Variants in RMND5A observed in about 807,000 individuals in gnomAD.
RMND5A encodes the protein required for meiotic nuclear division 5 homolog A.
Under a neutral mutation model 49.7 loss-of-function variants are expected in RMND5A, and 17 were observed. The observed-to-expected ratio is 0.34, with a 90% CI of 0.23 to 0.51. The LOEUF is 0.51. Ranked by LOEUF, RMND5A falls within the 20% of genes least tolerant of loss-of-function variation. The probability of loss-of-function intolerance (pLI) is 0.96; values close to 1 mark genes in which losing one functional copy is unlikely to be tolerated. For missense variants in RMND5A, 255 were observed against 471.3 expected (o/e 0.54, Z 4.25); for synonymous variants, 156 against 167.7 (o/e 0.93, Z 0.54).
At chr2:86,769,064 A>G (rs1451563480) in intron 6 of RMND5A, among the ~76,000 whole-genome samples, 2 of 152,134 alleles carry the variant, frequency 1.3e-5, no homozygotes, top group Non-Finnish European at 1.5e-5. Flanking sequence ...CAGCCTGCTC[A>G]GTAGCTGGGA....
chr2:86,770,149 A>C (rs1271911233), intron 7 of RMND5A, 24 bp downstream of exon 7: 1 of 1,484,008 alleles, frequency 6.7e-7, no homozygotes, highest in Non-Finnish European at 9.4e-7. Context: ...TCTATTGGCT[A>C]TTTACTTTTA....
At position 86,777,944 on chromosome 2, in the gene RMND5A, A is replaced by G. The variant is rs576236673; in HGVS notation, c.*4533A>G. On this transcript the variant is annotated 3_prime_UTR_variant, in exon 9 of 9. Transcript: ENST00000283632. ...TGATATAATAGAGTTTTGGAAAACT[A>G]TAAGAAATGCTTTGTTAATGTGTGT... 7.2e-5 allele frequency: 11 copies of G among 152,362 alleles called. No individual in the cohort carries two copies. Among genetic ancestry groups the G allele is most frequent in the Non-Finnish European group, 1.0e-4 (7 of 68,030 alleles). 9.4% of individuals were successfully genotyped at this position (152,362 alleles called of 1,614,324 possible).
In RMND5A at chr2:86,726,579, C is replaced by G. The variant is rs1285924584; in HGVS notation, c.142+5770C>G. On this transcript the variant is annotated intron_variant, in intron 1 of 8. Transcript: ENST00000283632. Reference sequence around the variant, plus strand: ...TCTAAGAGAAGAACAGACTGGTTCTCAAGTTATTTAGGCCATTTTAGGTGG... The same window carrying G: ...TCTAAGAGAAGAACAGACTGGTTCTGAAGTTATTTAGGCCATTTTAGGTGG... 2.6e-5 allele frequency among the ~76,000 whole-genome samples: 2 copies of G among 75,680 alleles called. 1 individual carries two copies. The highest frequency in any genetic ancestry group is 5.3e-5 in the Non-Finnish European group (2 of 37,672). 49.6% of individuals were successfully genotyped at this position (75,680 alleles called of 152,430 possible). A position where few individuals can be genotyped will look rare whatever the true frequency, so the allele number is the denominator to read the frequency against.
chr2:86,769,956 A>C (rs568346651), intron 6 of RMND5A, 67 bp from the exon 7 acceptor site: 208 of 1,086,486 alleles, frequency 1.9e-4, no homozygotes, highest in Non-Finnish European at 2.7e-4. Context: ...GGAGAAATTG[A>C]TGTCTCCTTG....
chr2:86,769,651 CTAAAGT>C (rs1249878606), intron 6 of RMND5A, among the ~76,000 whole-genome samples: 1 of 151,440 alleles, frequency 6.6e-6, no homozygotes, highest in Non-Finnish European at 1.5e-5. Flanking sequence ...AGGAAGTAAG[CTAAAGT>C]TAAATTACCC....
intron 4 of RMND5A, among the ~76,000 whole-genome samples, chr2:86,759,109 A>T (rs910126605): frequency 6.6e-6 from 1 of 152,324 alleles, no homozygotes; most frequent in Admixed American, 6.5e-5. Context: ...TATTACTAGA[A>T]ATAGACACCC....
intron 4 of RMND5A, among the ~76,000 whole-genome samples, chr2:86,755,038 G>C (rs1459730012): frequency 6.6e-6 from 1 of 152,008 alleles, no homozygotes. Flanking sequence ...GCAAATTTCA[G>C]ATTGTGACAC....
intron 8 of RMND5A, among the ~76,000 whole-genome samples, chr2:86,772,323 C>T (rs1340430211): frequency 1.2e-4 from 19 of 152,110 alleles, no homozygotes; most frequent in African/African-American, 3.9e-4. Context: ...GGTGTGGTGG[C>T]GGACACCTGT....
chr2:86,747,077 T>C (rs964082096), intron 2 of RMND5A, among the ~76,000 whole-genome samples: 1 of 152,238 alleles, frequency 6.6e-6, no homozygotes. Context: ...TTATCAGCTT[T>C]ACTAGGTATT....
intron 4 of RMND5A, among the ~76,000 whole-genome samples, chr2:86,763,619 T>A (rs942884609): frequency 2.0e-5 from 3 of 152,040 alleles, no homozygotes; most frequent in African/African-American, 4.8e-5. Flanking sequence ...AAACAATTTT[T>A]AAAAAAATTA....
In RMND5A at chr2:86,744,854, A is replaced by G. The variant is rs183156254; in HGVS notation, c.285+3785A>G. On this transcript the variant is annotated intron_variant, in intron 2 of 8. Coordinates refer to ENST00000283632, the MANE Select transcript of RMND5A (RefSeq NM_022780.4). ...CCTACATGCGCTTGCTACCATGCCC[A>G]GTTAATTTTTTTCATTTTTGCGTAG... 2.3e-3 allele frequency among the ~76,000 whole-genome samples: 349 copies of G among 152,186 alleles called. 5 individuals are homozygous for G. The highest frequency in any genetic ancestry group is 8.0e-3 in the African/African-American group (333 of 41,514).
intron 2 of RMND5A, chr2:86,748,622 T>C (rs1573435558): frequency 6.6e-6 from 1 of 152,224 alleles, no homozygotes; most frequent in Non-Finnish European, 1.5e-5. Flanking sequence ...AATATTAGAC[T>C]CTTTTTGTAA....
intron 7 of RMND5A, among the ~76,000 whole-genome samples, chr2:86,771,094 T>G (rs1294849811): frequency 6.6e-6 from 1 of 152,230 alleles, no homozygotes; most frequent in African/African-American, 2.4e-5. Flanking sequence ...GTCCTGGTCC[T>G]GAGTGTGGTC....
rs1021173360 is a variant in RMND5A, at chr2:86,776,000, A to G, written c.*2589A>G. Reference sequence around the variant, plus strand: ...AGATAATATGATAGAGGCAACGTTTATAACAGTCACATTTAATTATAATGT... The same window carrying G: ...AGATAATATGATAGAGGCAACGTTTGTAACAGTCACATTTAATTATAATGT... On this transcript the variant is annotated 3_prime_UTR_variant, in exon 9 of 9. Transcript: ENST00000283632. 6.6e-5 allele frequency: 10 copies of G among 152,256 alleles called. No homozygotes were observed. The highest frequency in any genetic ancestry group is 1.9e-4 in the African/African-American group (8 of 41,466). 9.4% of individuals were successfully genotyped at this position (152,256 alleles called of 1,614,324 possible). A position where few individuals can be genotyped will look rare whatever the true frequency, so the allele number is the denominator to read the frequency against.
chr2:86,771,635 T>G lies in RMND5A; in HGVS notation c.1035T>G (p.Asp345Glu). The change falls in exon 8 of 9, where the codon GAT (aspartate) becomes GAG (glutamate). Residue 345 changes from aspartate to glutamate, a missense_variant. Asp to Glu is a conservative substitution (Grantham distance 45). Coordinates refer to ENST00000283632, the MANE Select transcript of RMND5A (RefSeq NM_022780.4). ...CCATTCTTCGTCAGCAAACAACAGA[T>G]AACAATCCACCCATGAAATTGGTCT... ...ACPILRQQTT[D>E]NNPPMKLVCG... 1 of 1,613,724 alleles carries G rather than the reference T, an allele frequency of 6.2e-7. No individual in the cohort carries two copies. The highest frequency in any genetic ancestry group is 8.5e-7 in the Non-Finnish European group (1 of 1,179,808).
Position 86,777,044 on chromosome 2 carries a change from CAA to C in RMND5A, c.*3635_*3636del, listed in dbSNP as rs919778263. 1 of 152,194 alleles carries C rather than the reference CAA, an allele frequency of 6.6e-6. No individual in the cohort carries two copies. Among genetic ancestry groups the C allele is most frequent in the Non-Finnish European group, 1.5e-5 (1 of 68,030 alleles). 9.4% of individuals were successfully genotyped at this position (152,194 alleles called of 1,614,324 possible). ...TGAATAGATACCAAAAATAGAATGACAAATGTATTTTAATAGCAGATGAGGCA... is the reference window on the plus strand; with the variant it reads ...TGAATAGATACCAAAAATAGAATGACATGTATTTTAATAGCAGATGAGGCA... On this transcript the variant is annotated 3_prime_UTR_variant, in exon 9 of 9. Transcript: ENST00000283632.
chr2:86,767,156 T>A (rs1672612547), intron 6 of RMND5A, among the ~76,000 whole-genome samples: 1 of 152,118 alleles, frequency 6.6e-6, no homozygotes, highest in African/African-American at 2.4e-5. Flanking sequence ...CTCCACCTCT[T>A]GGGTTCAAGC....
At chr2:86,747,098 C>T (rs925405298) in intron 2 of RMND5A, among the ~76,000 whole-genome samples, 1 of 152,158 alleles carries the variant, frequency 6.6e-6, no homozygotes, top group Non-Finnish European at 1.5e-5. Context: ...GTAAAATTTT[C>T]CCCTGAAGGG....
At chr2:86,765,255 A>C in intron 5 of RMND5A, 62 bp downstream of exon 5, 1 of 1,344,132 alleles carries the variant, frequency 7.4e-7, no homozygotes, top group South Asian at 1.4e-5. Context: ...ACTGTAACTT[A>C]ACAGTTCTTA....
Sources: allele counts gnomAD v4.1 joint callset (sites outside exome capture counted in the v4.1 genomes callset), GRCh38; gene constraint gnomAD v4.1.1; transcripts MANE v1.5; gene names NCBI Gene and HGNC (gene_info 2026-07-23, HGNC 2026-07-21).